Variants in HS3ST4 observed in about 807,000 individuals in gnomAD.
The protein encoded by HS3ST4 is heparan sulfate glucosamine 3-O-sulfotransferase 4.
In HS3ST4, 17 loss-of-function variants were observed where a neutral mutation model predicts 29.2. The ratio of observed to expected loss-of-function variants is 0.58; its 90% CI spans 0.40 to 0.87. The LOEUF is 0.87. Among genes scored for constraint, HS3ST4 ranks in the 40% least tolerant of loss-of-function variants. The pLI is 0.00. For missense variants in HS3ST4, 627 were observed against 634.5 expected, an observed-to-expected ratio of 0.99 and a Z score of 0.13; for synonymous variants, 314 against 285.7, an observed-to-expected ratio of 1.10 and a Z score of -1.00.
At chr16:25,728,875 G>C (rs1374193679) in intron 1 of HS3ST4, among the ~76,000 whole-genome samples, 1 of 152,162 alleles carries the variant, frequency 6.6e-6, no homozygotes, top group East Asian at 1.9e-4. Flanking sequence ...GTGAGCCCAG[G>C]AGTTTGAGAT....
intron 1 of HS3ST4, among the ~76,000 whole-genome samples, chr16:26,046,648 T>C (rs1276201081): frequency 6.6e-6 from 1 of 152,182 alleles, no homozygotes; most frequent in Non-Finnish European, 1.5e-5. Flanking sequence ...AGTGTGGCTC[T>C]TTAAGACTCA....
intron 1 of HS3ST4, among the ~76,000 whole-genome samples, chr16:25,769,651 T>C (rs562968047): frequency 7.6e-4 from 116 of 152,202 alleles, no homozygotes; most frequent in Admixed American, 1.1e-3. Flanking sequence ...GCCTTGACTT[T>C]CTATTGATTT....
chr16:25,836,607 A>C (rs1006213030), intron 1 of HS3ST4, among the ~76,000 whole-genome samples: 2 of 152,232 alleles, frequency 1.3e-5, no homozygotes, highest in African/African-American at 4.8e-5. Flanking sequence ...CCCGTTTGAC[A>C]ATATGGAGCT....
At chr16:25,904,384 C>T (rs2141675165) in intron 1 of HS3ST4, among the ~76,000 whole-genome samples, 1 of 152,316 alleles carries the variant, frequency 6.6e-6, no homozygotes, top group East Asian at 1.9e-4. Context: ...TTTCCATATC[C>T]TTCATCTTGG....
At chr16:25,715,737 C>T (rs1247601511) in intron 1 of HS3ST4, among the ~76,000 whole-genome samples, 1 of 152,206 alleles carries the variant, frequency 6.6e-6, no homozygotes, top group Non-Finnish European at 1.5e-5. Context: ...GTTTCTGAAG[C>T]AGTGGTTAGT....
chr16:26,085,302 T>A (rs1898773665), intron 1 of HS3ST4, among the ~76,000 whole-genome samples: 3 of 152,168 alleles, frequency 2.0e-5, no homozygotes, highest in Admixed American at 2.0e-4. Context: ...TGAAAGTGAG[T>A]TCATTTGTGT....
chr16:25,932,685 G>T (rs8051635), intron 1 of HS3ST4, among the ~76,000 whole-genome samples: 5 of 151,732 alleles, frequency 3.3e-5, no homozygotes, highest in African/African-American at 1.2e-4. Flanking sequence ...CACTTTAAAT[G>T]CATGATCCTA....
chr16:25,996,020 A>G (rs56942143), intron 1 of HS3ST4, among the ~76,000 whole-genome samples: 8,986 of 151,014 alleles, frequency 0.06, 318 homozygotes, highest in African/African-American at 0.1. Flanking sequence ...AAAAAAAAAG[A>G]TAGCATTTGT....
chr16:26,013,884 C>CT (rs1567293705), intron 1 of HS3ST4, among the ~76,000 whole-genome samples: 1 of 151,884 alleles, frequency 6.6e-6, no homozygotes, highest in East Asian at 1.9e-4. Context: ...GTGGCATGCC[C>CT]GTAGTCCCAG....
chr16:25,817,570 G>T (rs1379474567), intron 1 of HS3ST4, among the ~76,000 whole-genome samples: 1 of 152,208 alleles, frequency 6.6e-6, no homozygotes, highest in Non-Finnish European at 1.5e-5. Context: ...TAAAGGATCA[G>T]ATAACAAGAT....
chr16:26,023,726 A>G (rs1969438576), intron 1 of HS3ST4, among the ~76,000 whole-genome samples: 2 of 152,102 alleles, frequency 1.3e-5, no homozygotes, highest in African/African-American at 4.8e-5. Context: ...ATGTGCATAA[A>G]GGAGCTCTCC....
chr16:26,094,282 C>T (rs984187486), intron 1 of HS3ST4, among the ~76,000 whole-genome samples: 4 of 152,064 alleles, frequency 2.6e-5, no homozygotes, highest in Non-Finnish European at 5.9e-5. Context: ...AGATACTCCT[C>T]GAGAAGAGCA....
intron 1 of HS3ST4, among the ~76,000 whole-genome samples, chr16:26,118,029 G>A (rs1249056529): frequency 1.3e-5 from 2 of 152,060 alleles, no homozygotes; most frequent in Non-Finnish European, 2.9e-5. Context: ...ATGGGTCAGG[G>A]GCTATTTTTG....
At chr16:25,967,130 A>G (rs1021949867) in intron 1 of HS3ST4, among the ~76,000 whole-genome samples, 2 of 152,128 alleles carry the variant, frequency 1.3e-5, no homozygotes, top group Non-Finnish European at 2.9e-5. Context: ...GATCCAATGC[A>G]AGACATGTAT....
intron 1 of HS3ST4, among the ~76,000 whole-genome samples, chr16:25,821,560 T>G (rs1027297100): frequency 2.0e-5 from 3 of 152,222 alleles, no homozygotes; most frequent in Non-Finnish European, 4.4e-5. Flanking sequence ...TTTTATAGAT[T>G]GTTTTTATTT....
intron 1 of HS3ST4, chr16:26,062,844 G>T: frequency 3.4e-6 from 1 of 292,974 alleles, no homozygotes; most frequent in Non-Finnish European, 6.8e-6. Flanking sequence ...TCTGGGAGAA[G>T]AACTTTATCT....
intron 1 of HS3ST4, among the ~76,000 whole-genome samples, chr16:25,978,144 A>G (rs1183858656): frequency 6.6e-6 from 1 of 152,212 alleles, no homozygotes; most frequent in Non-Finnish European, 1.5e-5. Flanking sequence ...CCTGGTAGCT[A>G]CTAACTGTAC....
chr16:25,727,893 C>T (rs1220859863), intron 1 of HS3ST4, among the ~76,000 whole-genome samples: 5 of 152,072 alleles, frequency 3.3e-5, no homozygotes, highest in African/African-American at 9.7e-5. Flanking sequence ...TTATGGACCT[C>T]GTGGAAATAC....
chr16:25,723,234 G>A (rs1041267535), intron 1 of HS3ST4, among the ~76,000 whole-genome samples: 1 of 152,120 alleles, frequency 6.6e-6, no homozygotes, highest in Non-Finnish European at 1.5e-5. Flanking sequence ...AAATAAACAC[G>A]ATAAAGGAAG....
Sources: gnomAD v4.1 joint callset for allele counts (sites outside exome capture counted in the v4.1 genomes callset) on GRCh38, gnomAD v4.1.1 for gene constraint, MANE v1.5 for transcripts, NCBI Gene and HGNC (gene_info 2026-07-23, HGNC 2026-07-21) for gene names.